STX3: variants seen among roughly 807,000 people sequenced by gnomAD.
STX3 encodes syntaxin 3.
A neutral mutation model predicts 40.2 loss-of-function variants in STX3; 19 were observed. The observed-to-expected ratio is 0.47, with a 90% CI of 0.33 to 0.69. The LOEUF (loss-of-function observed/expected upper bound fraction) is 0.69. STX3 is among the 30% of genes least tolerant of loss of function. The pLI is 0.02. For missense variants in STX3, 364 were observed against 366.7 expected (o/e 0.99, Z 0.06); for synonymous variants, 122 against 132.2 (o/e 0.92, Z 0.53).
intron 1 of STX3, among the ~76,000 whole-genome samples, chr11:59,772,031 G>C (rs1863680455): frequency 6.6e-6 from 1 of 152,200 alleles, no homozygotes; most frequent in Non-Finnish European, 1.5e-5. Context: ...ATAGCCATAG[G>C]ATTTCCCAGT....
intron 1 of STX3, among the ~76,000 whole-genome samples, chr11:59,766,806 C>T (rs552272393): frequency 2.6e-5 from 4 of 152,326 alleles, no homozygotes; most frequent in South Asian, 2.1e-4. Context: ...AGCCCTGTTT[C>T]GGCAAATCAG....
At chr11:59,767,456 G>C (rs1184056198) in intron 1 of STX3, among the ~76,000 whole-genome samples, 1 of 152,158 alleles carries the variant, frequency 6.6e-6, no homozygotes, top group Non-Finnish European at 1.5e-5. Context: ...TGAAGATAAG[G>C]GCATTGTGTG....
At position 59,788,859 on chromosome 11, in the gene STX3, C is replaced by G; in HGVS notation, c.215-14C>G. On this transcript the variant is annotated splice_polypyrimidine_tract_variant and intron_variant, in intron 3 of 10. Transcript: ENST00000337979. ...CTCCTTTCTAACGGATTCTGCCTGCCTTTATTTACCCAGAAACCAAGGATG... is the reference window on the plus strand; with the variant it reads ...CTCCTTTCTAACGGATTCTGCCTGCGTTTATTTACCCAGAAACCAAGGATG... The G allele has an allele frequency of 1.9e-6, 3 of 1,609,956 alleles. No homozygotes were observed. Among genetic ancestry groups the G allele is most frequent in the Non-Finnish European group, 2.5e-6 (3 of 1,177,936 alleles).
intron 1 of STX3, among the ~76,000 whole-genome samples, chr11:59,767,579 T>C (rs1001544146): frequency 6.6e-6 from 1 of 152,194 alleles, no homozygotes; most frequent in Non-Finnish European, 1.5e-5. Flanking sequence ...TAGGGAAGCC[T>C]GCTGCTAGCT....
chr11:59,792,885 T>C (rs1281733054), intron 6 of STX3, among the ~76,000 whole-genome samples: 1 of 152,068 alleles, frequency 6.6e-6, no homozygotes, highest in Non-Finnish European at 1.5e-5. Context: ...TGGGAAGCAA[T>C]GTAATGAGAT....
intron 1 of STX3, among the ~76,000 whole-genome samples, chr11:59,767,312 C>T (rs1863329098): frequency 6.6e-6 from 1 of 152,164 alleles, no homozygotes; most frequent in Non-Finnish European, 1.5e-5. Context: ...AAGTTGATGG[C>T]TGGGCTTGTG....
chr11:59,759,209 GT>G, intron 1 of STX3, among the ~76,000 whole-genome samples: 1 of 152,200 alleles, frequency 6.6e-6, no homozygotes, highest in Non-Finnish European at 1.5e-5. Flanking sequence ...AGCAGAGTGG[GT>G]TTTTCTATTA....
intron 1 of STX3, 104 bp downstream of exon 1, chr11:59,755,739 G>T: frequency 2.3e-5 from 32 of 1,399,942 alleles, no homozygotes; most frequent in Non-Finnish European, 3.0e-5. Flanking sequence ...CGAGCCGGAG[G>T]CTTGCCCTCC....
intron 1 of STX3, among the ~76,000 whole-genome samples, chr11:59,760,837 A>G (rs968103587): frequency 3.3e-5 from 5 of 152,162 alleles, no homozygotes; most frequent in Admixed American, 6.5e-5. Flanking sequence ...ATCCCCTTAC[A>G]CTGTATTCGA....
At chr11:59,782,230 G>A (rs1480648625) in intron 2 of STX3, among the ~76,000 whole-genome samples, 3 of 152,144 alleles carry the variant, frequency 2.0e-5, no homozygotes, top group East Asian at 1.9e-4. Flanking sequence ...ATTTGGCCAC[G>A]CCCAACATGT....
In STX3 at chr11:59,797,293, T is replaced by G. The variant is rs1865581400; in HGVS notation, c.797T>G (p.Ile266Ser). The change falls in exon 10 of 11, where the codon ATT (isoleucine) becomes AGT (serine). Residue 266 changes from isoleucine (I) to serine (S), a missense_variant. By Grantham distance (142) the Ile-to-Ser change is moderately radical. Coordinates refer to ENST00000337979, the MANE Select transcript of STX3 (RefSeq NM_004177.5). ...YQSQARKKLI[I>S]IIVLVVVLLG... ...TATTCCTCTCTCCAGAAATTGATAA[T>G]TATCATTGTGCTAGTAGTTGTGTTG... 6.2e-7 allele frequency: 1 copy of G among 1,613,458 alleles called. No homozygotes were observed. Among genetic ancestry groups the G allele is most frequent in the Non-Finnish European group, 8.5e-7 (1 of 1,179,432 alleles).
intron 1 of STX3, 120 bp from the exon 2 acceptor site, chr11:59,773,091 A>C (rs1863750573): frequency 4.4e-6 from 4 of 915,892 alleles, no homozygotes; most frequent in Admixed American, 2.2e-5. Flanking sequence ...AGCTGTTATG[A>C]GTTTTAAAGG....
At chr11:59,793,692 A>G (rs1333063021) in intron 8 of STX3, among the ~76,000 whole-genome samples, 178 bp downstream of exon 8, 1 of 152,100 alleles carries the variant, frequency 6.6e-6, no homozygotes. Context: ...GAATGTTGAC[A>G]CTTTGGGTGA....
intron 1 of STX3, among the ~76,000 whole-genome samples, chr11:59,770,711 T>C (rs1863567398): frequency 6.6e-6 from 1 of 152,170 alleles, no homozygotes. Context: ...ATTTCTATTA[T>C]ATGCCTGGTT....
chr11:59,801,055 G>A lies in STX3; in HGVS notation c.*231G>A. The A allele has an allele frequency of 1.4e-6, 2 of 1,465,070 alleles. No individual in the cohort carries two copies. The highest frequency in any genetic ancestry group is 1.8e-6 in the Non-Finnish European group (2 of 1,111,120). The allele number at this position is 1,465,070 out of a possible 1,614,324, so 90.8% of individuals were successfully genotyped here. A position where few individuals can be genotyped will look rare whatever the true frequency, so the allele number is the denominator to read the frequency against. ...TGAGTTCTCCCCAGAGCCTCCTCCTGCCCCACCAGCTCTCAAGTACCTTTT... is the reference window on the plus strand; with the variant it reads ...TGAGTTCTCCCCAGAGCCTCCTCCTACCCCACCAGCTCTCAAGTACCTTTT... On this transcript the variant is annotated 3_prime_UTR_variant, in exon 11 of 11. Coordinates refer to ENST00000337979, the MANE Select transcript of STX3 (RefSeq NM_004177.5).
At chr11:59,768,072 C>A (rs1266079646) in intron 1 of STX3, among the ~76,000 whole-genome samples, 1 of 152,134 alleles carries the variant, frequency 6.6e-6, no homozygotes, top group African/African-American at 2.4e-5. Flanking sequence ...AAAATATTAT[C>A]ATATTGAATT....
intron 8 of STX3, among the ~76,000 whole-genome samples, chr11:59,794,336 A>C (rs1865391907): frequency 6.6e-6 from 1 of 152,244 alleles, no homozygotes. Context: ...AGTGTGCCAC[A>C]GGGTCATGGT....
intron 2 of STX3, among the ~76,000 whole-genome samples, chr11:59,776,046 GATTAA>G (rs1216270310): frequency 6.6e-6 from 1 of 152,212 alleles, no homozygotes; most frequent in Non-Finnish European, 1.5e-5. Flanking sequence ...ATTTGGTAGA[GATTAA>G]AGGAGCTAAT....
chr11:59,778,073 C>A (rs75913323), intron 2 of STX3, among the ~76,000 whole-genome samples: 6,550 of 152,176 alleles, frequency 0.043, 183 homozygotes, highest in African/African-American at 0.049. Flanking sequence ...GGCTATTGAA[C>A]TTGTTACATA....
Sources: allele counts gnomAD v4.1 joint callset (sites outside exome capture counted in the v4.1 genomes callset), GRCh38; gene constraint gnomAD v4.1.1; transcripts MANE v1.5; gene names NCBI Gene and HGNC (gene_info 2026-07-23, HGNC 2026-07-21).